KPRP: variants seen among roughly 807,000 people sequenced by gnomAD.
KPRP encodes the protein keratinocyte proline-rich protein.
For missense variants in KPRP, 820 were observed against 746.4 expected (o/e 1.10, Z -1.15); for synonymous variants, 282 against 276.9 (o/e 1.02, Z -0.18).
chr1:152,760,496 C>A, exon 1 of KPRP: 1 of 1,613,580 alleles, frequency 6.2e-7, no homozygotes, highest in South Asian at 1.1e-5. Flanking sequence ...CGCTCTGAAC[C>A]CATATATAAC....
At chr1:152,759,217 G>A (rs1160330887), upstream of KPRP, among the ~76,000 whole-genome samples, 6 of 152,326 alleles carry the variant, frequency 3.9e-5, no homozygotes, top group East Asian at 3.9e-4. Flanking sequence ...ATAGCCTTAG[G>A]AGCAAGTTGT....
At chr1:152,759,946 G>A (rs749198811) in exon 1 of KPRP, 10 of 1,614,102 alleles carry the variant, frequency 6.2e-6, no homozygotes, top group African/African-American at 2.7e-5. Context: ...GGTGTCCTAC[G>A]TGCAGTGCGA....
chr1:152,759,439 C>T (rs1651034530), upstream of KPRP: 9 of 1,330,998 alleles, frequency 6.8e-6, no homozygotes. Context: ...TAAGTCAGGA[C>T]ACTTGGATGA....
In KPRP at chr1:152,760,903, G is replaced by A. The variant is rs767434569; in HGVS notation, c.1315G>A (p.Ala439Thr). 21 of 1,613,832 alleles carry A rather than the reference G, an allele frequency of 1.3e-5. No individual in the cohort carries two copies. In the African/African-American group the frequency reaches 2.8e-4, roughly 22 times the overall value. Reference sequence around the variant, plus strand: ...TTGTTTGTATCCAGAACCACTTCCAGCACTACGTCCAACACCGCGGCCAGT... The same window carrying A: ...TTGTTTGTATCCAGAACCACTTCCAACACTACGTCCAACACCGCGGCCAGT... The change falls in exon 1 of 1, where the codon GCA becomes ACA. Residue 439 changes from alanine (A) to threonine (T), a missense_variant. Physicochemically the swap from Ala to Thr is moderately conservative, Grantham distance 58 (BLOSUM62 0). Transcript: ENST00000606109.
upstream of KPRP, among the ~76,000 whole-genome samples, chr1:152,758,302 C>G (rs1651003491): frequency 6.6e-6 from 1 of 152,162 alleles, no homozygotes; most frequent in African/African-American, 2.4e-5. Context: ...ACCTTATCCT[C>G]AGGTACTATT....
rs1194659315 is a variant in KPRP, at chr1:152,759,703, G to A, written c.115G>A (p.Ala39Thr). 2.5e-6 allele frequency: 4 copies of A among 1,614,040 alleles called. No homozygotes were observed. The African/African-American group carries it at 5.3e-5, about 22-fold the overall frequency. The change falls in exon 1 of 1, where the codon GCC becomes ACC. Residue 39 changes from alanine (A) to threonine (T), a missense_variant. Coordinates refer to ENST00000606109, the Ensembl canonical transcript of KPRP. ...TGCCCAGAGCCAAGTGGTGGTTCAAGCCCCTTGTGAGATGCAAATTGTGGA... is the reference window on the plus strand; with the variant it reads ...TGCCCAGAGCCAAGTGGTGGTTCAAACCCCTTGTGAGATGCAAATTGTGGA...
exon 1 of KPRP, chr1:152,759,813 G>A (rs1462305458): frequency 6.2e-7 from 1 of 1,613,954 alleles, no homozygotes; most frequent in Non-Finnish European, 8.5e-7. Context: ...TGAAGTGCCA[G>A]TCTAAGACCA....
At chr1:152,761,153 G>A (rs771796431) in exon 1 of KPRP, 6 of 1,614,106 alleles carry the variant, frequency 3.7e-6, no homozygotes, top group African/African-American at 1.3e-5. Flanking sequence ...AGTCCACACC[G>A]CCTAGACACC....
rs145667540 is a variant in KPRP, at chr1:152,760,368, G to A, written c.780G>A (p.Arg260=). The change falls in exon 1 of 1, where the codon CGG becomes CGA. Residue 260 remains arginine, a synonymous_variant. Coordinates refer to ENST00000606109, the Ensembl canonical transcript of KPRP. Reference sequence around the variant, plus strand: ...CCAGCAGATGCCTTCCTCCTCCTCGGCGGCTGCAGCTTTTCCCCCGCAGCT... The same window carrying A: ...CCAGCAGATGCCTTCCTCCTCCTCGACGGCTGCAGCTTTTCCCCCGCAGCT... 1,002 of 1,614,056 alleles carry A rather than the reference G, an allele frequency of 6.2e-4. 7 individuals carry two copies. In the African/African-American group the frequency reaches 0.012, roughly 19 times the overall value.
At chr1:152,759,702 A>G in exon 1 of KPRP, 1 of 1,614,160 alleles carries the variant, frequency 6.2e-7, no homozygotes, top group Non-Finnish European at 8.5e-7. Flanking sequence ...TGGTGGTTCA[A>G]GCCCCTTGTG....
chr1:152,758,503 G>A (rs1651011073), upstream of KPRP, among the ~76,000 whole-genome samples: 1 of 152,188 alleles, frequency 6.6e-6, no homozygotes, highest in African/African-American at 2.4e-5. Context: ...GGATGAGCCT[G>A]TTGTCAAATG....
chr1:152,760,965 G>A, exon 1 of KPRP: 1 of 1,612,146 alleles, frequency 6.2e-7, no homozygotes, highest in Non-Finnish European at 8.5e-7. Flanking sequence ...AGATTCCAGA[G>A]CCACGTCCAT....
chr1:152,761,079 C>A lies in KPRP; in HGVS notation c.1491C>A (p.Ser497Arg). Residue 497 changes from serine to arginine, a missense_variant, in exon 1 of 1, where the codon AGC becomes AGA. Physicochemically the swap from Ser to Arg is moderately radical, Grantham distance 110. Transcript: ENST00000606109. ...AGCCCTGCAGGGAGACTTGGCGCAGCCCCAGCCCATGCTGGGGCCCAAATC... is the reference window on the plus strand; with the variant it reads ...AGCCCTGCAGGGAGACTTGGCGCAGACCCAGCCCATGCTGGGGCCCAAATC... 2.5e-6 allele frequency: 4 copies of A among 1,614,038 alleles called. No homozygotes were observed. The highest frequency in any genetic ancestry group is 3.4e-6 in the Non-Finnish European group (4 of 1,180,024).
chr1:152,759,285 C>T (rs1258903417), upstream of KPRP, among the ~76,000 whole-genome samples: 5 of 152,246 alleles, frequency 3.3e-5, no homozygotes, highest in Middle Eastern at 3.4e-3. Context: ...AGTGTGGAGA[C>T]GAAAGGAGAA....
At chr1:152,759,738 A>G in exon 1 of KPRP, 1 of 1,614,148 alleles carries the variant, frequency 6.2e-7, no homozygotes, top group Non-Finnish European at 8.5e-7. Flanking sequence ...ACTGCCCTGC[A>G]TCATGCCCAG....
At chr1:152,761,634 C>T (rs761870619) in exon 1 of KPRP, 8 of 312,528 alleles carry the variant, frequency 2.6e-5, no homozygotes, top group Non-Finnish European at 3.2e-5. Context: ...CTCCAAGCCT[C>T]TGCTCACTCT....
chr1:152,759,788 C>T (rs758644224), exon 1 of KPRP: 19 of 1,614,064 alleles, frequency 1.2e-5, no homozygotes, highest in Middle Eastern at 1.6e-4. Flanking sequence ...CCATGCCAGT[C>T]TCAGACCACA....
chr1:152,760,569 C>A, exon 1 of KPRP: 1 of 1,609,552 alleles, frequency 6.2e-7, no homozygotes, highest in Non-Finnish European at 8.5e-7. Context: ...AGTGCCGAAT[C>A]GAGATTTCCT....
exon 1 of KPRP, chr1:152,760,855 C>A (rs746718765): frequency 6.2e-7 from 1 of 1,614,182 alleles, no homozygotes; most frequent in South Asian, 1.1e-5. Flanking sequence ...CCCGCGTCCT[C>A]TACCACGACA....
Sources: allele counts gnomAD v4.1 joint callset (sites outside exome capture counted in the v4.1 genomes callset), GRCh38; gene constraint gnomAD v4.1.1; transcripts MANE v1.5; gene names NCBI Gene and HGNC (gene_info 2026-07-23, HGNC 2026-07-21).